PPP2R3A: variants seen among roughly 807,000 people sequenced by gnomAD.
PPP2R3A encodes protein phosphatase 2 regulatory subunit B''alpha, also known as serine/threonine-protein phosphatase 2A regulatory subunit B'' subunit alpha.
A neutral mutation model predicts 106.9 loss-of-function variants in PPP2R3A; 80 were observed. The observed-to-expected ratio is 0.75, with a 90% CI of 0.62 to 0.90. The LOEUF is 0.90. PPP2R3A is among the 40% of genes least tolerant of loss of function. The probability of loss-of-function intolerance (pLI) is 0.00; values close to 1 mark genes in which losing one functional copy is unlikely to be tolerated. For synonymous variants in PPP2R3A, 483 were observed against 468.3 expected (o/e 1.03, Z -0.41); for missense variants, 1,386 against 1,350.4 (o/e 1.03, Z -0.41).
chr3:136,036,391 T>G (rs931659742), intron 3 of PPP2R3A, among the ~76,000 whole-genome samples: 2 of 152,198 alleles, frequency 1.3e-5, no homozygotes, highest in African/African-American at 4.8e-5. Context: ...TTAGTCAGAT[T>G]CTTTTGTCCC....
chr3:136,086,159 A>T (rs1239005917), intron 8 of PPP2R3A, among the ~76,000 whole-genome samples: 1 of 151,316 alleles, frequency 6.6e-6, no homozygotes, highest in Non-Finnish European at 1.5e-5. Flanking sequence ...GTTGTATATG[A>T]TGTCAGGTTT....
Position 136,078,330 on chromosome 3 carries a change from A to G in PPP2R3A, c.2545-37A>G, listed in dbSNP as rs1209076566. The G allele has an allele frequency of 1.7e-5, 23 of 1,393,312 alleles. No individual in the cohort carries two copies. In the South Asian group the frequency reaches 2.0e-4, roughly 12 times the overall value. The allele number at this position is 1,393,312 out of a possible 1,614,324, so 86.3% of individuals were successfully genotyped here. On this transcript the variant is annotated intron_variant, in intron 6 of 13. Transcript: ENST00000264977. Reference sequence around the variant, plus strand: ...TTTGAGAAAGTAGTGGAGATCTTTAATGTTTTTATTTGGTTTTATTTTCCT... The same window carrying G: ...TTTGAGAAAGTAGTGGAGATCTTTAGTGTTTTTATTTGGTTTTATTTTCCT...
At chr3:136,057,748 G>A (rs558748933) in intron 5 of PPP2R3A, among the ~76,000 whole-genome samples, 1 of 152,138 alleles carries the variant, frequency 6.6e-6, no homozygotes, top group Admixed American at 6.5e-5. Context: ...CACAATGAAA[G>A]ATCATGTCAC....
At chr3:135,967,951 A>T (rs186576641) in intron 1 of PPP2R3A, among the ~76,000 whole-genome samples, 12 of 152,192 alleles carry the variant, frequency 7.9e-5, no homozygotes, top group African/African-American at 2.9e-4. Context: ...CACTCCACAC[A>T]CACAGTTGTG....
chr3:136,001,734 T>C lies in PPP2R3A; in HGVS notation c.236T>C (p.Leu79Pro). ...NSMFLPHENG[L>P]SSAEGDYPQQ... ...ATGTTTCTACCCCATGAAAATGGGC[T>C]TTCTTCGGCTGAAGGAGACTATCCC... Residue 79 changes from leucine (L) to proline (P), a missense_variant, in exon 2 of 14, where the codon CTT (leucine) becomes CCT (proline). Leu to Pro is a moderately conservative substitution (Grantham distance 98). Transcript: ENST00000264977. 1 of 1,614,112 alleles carries C rather than the reference T, an allele frequency of 6.2e-7. No individual in the cohort carries two copies. The highest frequency in any genetic ancestry group is 8.5e-7 in the Non-Finnish European group (1 of 1,180,020).
chr3:135,970,281 G>A (rs937809842), intron 1 of PPP2R3A, among the ~76,000 whole-genome samples: 4 of 152,144 alleles, frequency 2.6e-5, no homozygotes, highest in Admixed American at 2.6e-4. Flanking sequence ...GTGGAATGAC[G>A]CCTTGCTCAG....
intron 1 of PPP2R3A, among the ~76,000 whole-genome samples, chr3:135,966,611 C>A (rs1051086198): frequency 1.3e-5 from 2 of 152,092 alleles, no homozygotes; most frequent in African/African-American, 4.8e-5. Context: ...TCCCGTTATT[C>A]CCAGTCCTCC....
intron 13 of PPP2R3A, among the ~76,000 whole-genome samples, chr3:136,133,387 T>A (rs1290987677): frequency 2.0e-5 from 3 of 152,182 alleles, no homozygotes; most frequent in Non-Finnish European, 4.4e-5. Context: ...TATGAAAAGA[T>A]GTTCTGTATT....
rs139427616 is a variant in PPP2R3A at position 136,134,987 on chromosome 3, T to C, written c.3330-10056T>C. 4.8e-3 allele frequency among the ~76,000 whole-genome samples: 736 copies of C among 152,112 alleles called. 4 individuals are homozygous for C. Among genetic ancestry groups the C allele is most frequent in the African/African-American group, 8.0e-3 (331 of 41,476 alleles). ...GAAATAGATAGCAGATCTAAACAAA[T>C]AGACATGTTCATCTGAAAAGAGAAA... On this transcript the variant is annotated intron_variant, in intron 13 of 13. Transcript: ENST00000264977.
intron 5 of PPP2R3A, among the ~76,000 whole-genome samples, chr3:136,058,205 T>C (rs530958661): frequency 6.6e-6 from 1 of 151,900 alleles, no homozygotes; most frequent in Non-Finnish European, 1.5e-5. Flanking sequence ...GAGAAAGAAA[T>C]AAAGGGCATC....
rs370463395 is a variant in PPP2R3A, at chr3:136,087,058, G to A, written c.2789-825G>A. Among the ~76,000 whole-genome samples the A allele has an allele frequency of 8.7e-4, 133 of 152,298 alleles. 1 individual carries two copies. The South Asian group carries it at 0.012, about 14-fold the overall frequency. Reference sequence around the variant, plus strand: ...CGCTAATAAAAATACAAAAAAATTAGCCAGGTATGGTGGCGCATGCCTGTA... The same window carrying A: ...CGCTAATAAAAATACAAAAAAATTAACCAGGTATGGTGGCGCATGCCTGTA... On this transcript the variant is annotated intron_variant, in intron 8 of 13. Coordinates refer to ENST00000264977, the MANE Select transcript of PPP2R3A (RefSeq NM_002718.5).
Position 136,035,048 on chromosome 3 carries a change from G to C in PPP2R3A, c.2263-5811G>C, listed in dbSNP as rs1935040092. ...ATAAGAATAGCCACTCCTCACTTTTGGTGTCCATTTGCCTGAAATGTCTTT... is the reference window on the plus strand; with the variant it reads ...ATAAGAATAGCCACTCCTCACTTTTCGTGTCCATTTGCCTGAAATGTCTTT... On this transcript the variant is annotated intron_variant, in intron 3 of 13. Coordinates refer to ENST00000264977, the MANE Select transcript of PPP2R3A (RefSeq NM_002718.5). Among the ~76,000 whole-genome samples the C allele has an allele frequency of 2.6e-5, 4 of 152,086 alleles. No individual in the cohort carries two copies. The South Asian group carries it at 6.2e-4, about 24-fold the overall frequency.
intron 3 of PPP2R3A, among the ~76,000 whole-genome samples, chr3:136,028,921 C>T (rs138624364): frequency 2.5e-3 from 374 of 152,182 alleles, no homozygotes; most frequent in African/African-American, 8.4e-3. Flanking sequence ...GGCGCTATCT[C>T]GGCACACCAC....
intron 1 of PPP2R3A, among the ~76,000 whole-genome samples, chr3:135,977,040 T>C (rs2107753540): frequency 6.6e-6 from 1 of 152,252 alleles, no homozygotes; most frequent in African/African-American, 2.4e-5. Context: ...AGTTTTATAA[T>C]ATTTTTTCTT....
intron 5 of PPP2R3A, among the ~76,000 whole-genome samples, 150 bp from the exon 6 acceptor site, chr3:136,070,323 TGAAAC>T (rs1023041719): frequency 9.9e-5 from 15 of 152,224 alleles, no homozygotes; most frequent in African/African-American, 3.6e-4. Context: ...ATGCTTATAA[TGAAAC>T]GAATTTAATA....
chr3:136,137,534 ATTTTTTTTTTTT>A (rs59086929), intron 13 of PPP2R3A, among the ~76,000 whole-genome samples: 14 of 40,528 alleles, frequency 3.5e-4, no homozygotes, highest in Non-Finnish European at 5.7e-4. Flanking sequence ...TCTGTCAGAG[ATTTTTTTTTTTT>A]TTTTTTTTTT....
chr3:136,147,612 T>C lies in PPP2R3A; in HGVS notation c.*2446T>C, dbSNP rs1466465173. 3 of 152,628 alleles carry C rather than the reference T, an allele frequency of 2.0e-5. No individual in the cohort carries two copies. The highest frequency in any genetic ancestry group is 4.8e-5 in the African/African-American group (2 of 41,462). The allele number at this position is 152,628 out of a possible 1,614,324, so 9.5% of individuals were successfully genotyped here. A position where few individuals can be genotyped will look rare whatever the true frequency, so the allele number is the denominator to read the frequency against. ...AACTGGAATTTTCAAGTTATTATAA[T>C]ATCCCAGGCCCCTTGATAAAAGCTG... On this transcript the variant is annotated 3_prime_UTR_variant, in exon 14 of 14. Transcript: ENST00000264977.
chr3:136,136,248 G>A (rs1938620473), intron 13 of PPP2R3A, among the ~76,000 whole-genome samples: 1 of 151,792 alleles, frequency 6.6e-6, no homozygotes, highest in African/African-American at 2.4e-5. Flanking sequence ...GCTGTTTTAA[G>A]GATTAAATAA....
intron 1 of PPP2R3A, among the ~76,000 whole-genome samples, chr3:135,988,916 A>T (rs1257318036): frequency 6.6e-6 from 1 of 152,162 alleles, no homozygotes; most frequent in Non-Finnish European, 1.5e-5. Flanking sequence ...CCTATTGATT[A>T]TCTCACCATT....
Sources: allele counts gnomAD v4.1 joint callset (sites outside exome capture counted in the v4.1 genomes callset), GRCh38; gene constraint gnomAD v4.1.1; transcripts MANE v1.5; gene names NCBI Gene and HGNC (gene_info 2026-07-23, HGNC 2026-07-21).